The following SNORD118 variants were observed in gnomAD, a reference collection of about 807,000 sequenced individuals.
SNORD118 encodes small nucleolar RNA, C/D box 118.
At chr17:8,173,561 A>G (rs764953239) in exon 1 of SNORD118, 6 of 765,270 alleles carry the variant, frequency 7.8e-6, no homozygotes, top group Non-Finnish European at 1.4e-5. Flanking sequence ...CGGAGGAGGA[A>G]CAGGTAAGGA....
chr17:8,173,534 T>A (rs117573525), exon 1 of SNORD118: 22 of 765,428 alleles, frequency 2.9e-5, no homozygotes, highest in East Asian at 1.9e-4. Context: ...CCAATCATCA[T>A]GTTCTAATCT....
exon 1 of SNORD118, chr17:8,173,459 A>T (rs754582308): frequency 1.3e-6 from 1 of 764,096 alleles, no homozygotes; most frequent in South Asian, 1.3e-5. Context: ...AAAGAATCAG[A>T]CAGGAGCAAT....
In SNORD118 at chr17:8,173,566, T is replaced by G. The variant is rs369486184; in HGVS notation, n.22A>C. 1.4e-4 allele frequency: 109 copies of G among 765,256 alleles called. No homozygotes were observed. Among genetic ancestry groups the G allele is most frequent in the East Asian group, 1.2e-4 (5 of 41,246 alleles). 47.4% of individuals were successfully genotyped at this position (765,256 alleles called of 1,614,324 possible). On this transcript the variant is annotated non_coding_transcript_exon_variant, in exon 1 of 1. Coordinates refer to ENST00000363593, the Ensembl canonical transcript of SNORD118. Reference sequence around the variant, plus strand: ...ATCTGCCCTCCGGAGGAGGAACAGGTAAGGATTATCCCACCTGACGATACA... The same window carrying G: ...ATCTGCCCTCCGGAGGAGGAACAGGGAAGGATTATCCCACCTGACGATACA...
In SNORD118 at chr17:8,173,586, G is replaced by T. The variant is rs117735243; in HGVS notation, n.2C>A. The T allele has an allele frequency of 9.2e-6, 7 of 764,058 alleles. No homozygotes were observed. Among genetic ancestry groups the T allele is most frequent in the African/African-American group, 3.4e-5 (2 of 59,214 alleles). 47.3% of individuals were successfully genotyped at this position (764,058 alleles called of 1,614,324 possible). ...ACAGGTAAGGATTATCCCACCTGAC[G>T]ATACAGACAAACAGCCGACATTCTG... On this transcript the variant is annotated non_coding_transcript_exon_variant, in exon 1 of 1. Coordinates refer to ENST00000363593, the Ensembl canonical transcript of SNORD118.
chr17:8,173,479 G>A lies in SNORD118; in HGVS notation n.109C>T, dbSNP rs200655899. On this transcript the variant is annotated non_coding_transcript_exon_variant, in exon 1 of 1. Coordinates refer to ENST00000363593, the Ensembl canonical transcript of SNORD118. ...ATCAGACAGGAGCAATCAGGGTGTT[G>A]CAAGTCCTGATTACGCAGAGACGTT... 6.6e-4 allele frequency: 501 copies of A among 764,858 alleles called. 1 individual carries two copies. The highest frequency in any genetic ancestry group is 1.5e-3 in the Middle Eastern group (6 of 4,016). The allele number at this position is 764,858 out of a possible 1,614,324, so 47.4% of individuals were successfully genotyped here. A position where few individuals can be genotyped will look rare whatever the true frequency, so the allele number is the denominator to read the frequency against.
chr17:8,173,526 A>C (rs752572914), exon 1 of SNORD118: 36 of 765,310 alleles, frequency 4.7e-5, no homozygotes, highest in Middle Eastern at 2.3e-4. Flanking sequence ...ATGCATCTCC[A>C]ATCATCATGT....
exon 1 of SNORD118, chr17:8,173,505 A>T: frequency 1.3e-6 from 1 of 765,304 alleles, no homozygotes; most frequent in Non-Finnish European, 2.4e-6. Flanking sequence ...CAGAGACGTT[A>T]ATCACGTTTC....
exon 1 of SNORD118, chr17:8,173,471 A>G (rs1567550049): frequency 1.3e-6 from 1 of 764,646 alleles, no homozygotes; most frequent in Admixed American, 1.7e-5. Flanking sequence ...AGGAGCAATC[A>G]GGGTGTTGCA....
At chr17:8,173,562 C>A (rs185052658) in exon 1 of SNORD118, 7 of 765,192 alleles carry the variant, frequency 9.1e-6, no homozygotes, top group Admixed American at 1.7e-5. Context: ...GGAGGAGGAA[C>A]AGGTAAGGAT....
chr17:8,173,585 C>A (rs199964184), exon 1 of SNORD118: 5 of 763,802 alleles, frequency 6.5e-6, no homozygotes, highest in Admixed American at 1.7e-5. Flanking sequence ...TCCCACCTGA[C>A]GATACAGACA....
rs373542197 is a variant in SNORD118, at chr17:8,173,576, C to T, written n.12G>A. On this transcript the variant is annotated non_coding_transcript_exon_variant, in exon 1 of 1. Coordinates refer to ENST00000363593, the Ensembl canonical transcript of SNORD118. The stretch of plus-strand genomic sequence containing the variant: ...CGGAGGAGGAACAGGTAAGGATTAT[C>T]CCACCTGACGATACAGACAAACAGC... 121 of 764,792 alleles carry T rather than the reference C, an allele frequency of 1.6e-4. No homozygotes were observed. The highest frequency in any genetic ancestry group is 1.9e-4 in the East Asian group (8 of 41,248). 47.4% of individuals were successfully genotyped at this position (764,792 alleles called of 1,614,324 possible). A position where few individuals can be genotyped will look rare whatever the true frequency, so the allele number is the denominator to read the frequency against.
In SNORD118 at chr17:8,173,477, T is replaced by G. The variant is rs773923180; in HGVS notation, n.111A>C. 24 of 764,656 alleles carry G rather than the reference T, an allele frequency of 3.1e-5. No individual in the cohort carries two copies. The highest frequency in any genetic ancestry group is 8.5e-5 in the African/African-American group (5 of 59,112). The allele number at this position is 764,656 out of a possible 1,614,324, so 47.4% of individuals were successfully genotyped here. On this transcript the variant is annotated non_coding_transcript_exon_variant, in exon 1 of 1. Coordinates refer to ENST00000363593, the Ensembl canonical transcript of SNORD118. ...GAATCAGACAGGAGCAATCAGGGTG[T>G]TGCAAGTCCTGATTACGCAGAGACG... is the stretch of plus-strand genomic sequence containing the variant.
Position 8,173,475 on chromosome 17 carries a change from T to C in SNORD118, n.113A>G, listed in dbSNP as rs569097222. ...AAGAATCAGACAGGAGCAATCAGGG[T>C]GTTGCAAGTCCTGATTACGCAGAGA... is the stretch of plus-strand genomic sequence containing the variant. On this transcript the variant is annotated non_coding_transcript_exon_variant, in exon 1 of 1. Coordinates refer to ENST00000363593, the Ensembl canonical transcript of SNORD118. The C allele has an allele frequency of 1.3e-4, 102 of 764,692 alleles. No homozygotes were observed. Among genetic ancestry groups the C allele is most frequent in the South Asian group, 1.0e-3 (76 of 74,558 alleles). The allele number at this position is 764,692 out of a possible 1,614,324, so 47.4% of individuals were successfully genotyped here.
At chr17:8,173,491 T>A (rs762385657) in exon 1 of SNORD118, 2 of 765,016 alleles carry the variant, frequency 2.6e-6, no homozygotes, top group African/African-American at 1.7e-5. Context: ...AAGTCCTGAT[T>A]ACGCAGAGAC....
At chr17:8,173,468 A>C (rs374956426) in exon 1 of SNORD118, 5 of 764,456 alleles carry the variant, frequency 6.5e-6, no homozygotes, top group Admixed American at 1.7e-5. Context: ...GACAGGAGCA[A>C]TCAGGGTGTT....
At chr17:8,173,564 G>C (rs12940891) in exon 1 of SNORD118, 40 of 765,210 alleles carry the variant, frequency 5.2e-5, no homozygotes, top group South Asian at 9.4e-5. Context: ...AGGAGGAACA[G>C]GTAAGGATTA....
exon 1 of SNORD118, chr17:8,173,530 A>ATCATG (rs772710482): frequency 1.3e-6 from 1 of 765,454 alleles, no homozygotes; most frequent in Non-Finnish European, 2.4e-6. Flanking sequence ...ATCTCCAATC[A>ATCATG]TCATGTTCTA....
chr17:8,173,452 G>C (rs117595965), downstream of SNORD118: 18 of 762,816 alleles, frequency 2.4e-5, no homozygotes, highest in Non-Finnish European at 3.4e-5. Flanking sequence ...TCGTCAGAAA[G>C]AATCAGACAG....
exon 1 of SNORD118, chr17:8,173,520 A>T (rs769050708): frequency 1.3e-6 from 1 of 765,416 alleles, no homozygotes; most frequent in Non-Finnish European, 2.4e-6. Flanking sequence ...CGTTTCATGC[A>T]TCTCCAATCA....
Sources: allele counts gnomAD v4.1 joint callset, GRCh38; gene constraint gnomAD v4.1.1; transcripts MANE v1.5; gene names NCBI Gene and HGNC (gene_info 2026-07-23, HGNC 2026-07-21).